The following ENTREP2 variants were observed in gnomAD, a reference collection of about 807,000 sequenced individuals.
ENTREP2 encodes endosomal transmembrane epsin interactor 2.
At chr15:29,178,307 AAAAG>A in the ENTREP2 span, among the ~76,000 whole-genome samples, 19 of 151,578 alleles carry the variant, frequency 1.3e-4, no homozygotes, top group South Asian at 4.2e-4. Context: ...AAAAAAAAAA[AAAAG>A]AAAGAAAGAA....
At chr15:29,530,284 G>A in the ENTREP2 span, among the ~76,000 whole-genome samples, 1 of 152,122 alleles carries the variant, frequency 6.6e-6, no homozygotes, top group Non-Finnish European at 1.5e-5. Flanking sequence ...GAATCTGTGC[G>A]GGTGCTGGGT....
At chr15:29,195,351 C>T in the ENTREP2 span, 1 of 984,296 alleles carries the variant, frequency 1.0e-6, no homozygotes. Context: ...TAATCACAAG[C>T]ACTCAAGGTC....
chr15:29,518,896 C>T, the ENTREP2 span, among the ~76,000 whole-genome samples: 1 of 152,114 alleles, frequency 6.6e-6, no homozygotes. Context: ...AGATCAAGGG[C>T]GTTTCAAGAG....
the ENTREP2 span, among the ~76,000 whole-genome samples, chr15:29,167,790 C>A: frequency 6.6e-6 from 1 of 152,134 alleles, no homozygotes; most frequent in East Asian, 1.9e-4. Context: ...GTAGAGCTAC[C>A]ATTTGATCCA....
chr15:29,594,186 T>C, the ENTREP2 span, among the ~76,000 whole-genome samples: 1 of 152,212 alleles, frequency 6.6e-6, no homozygotes, highest in African/African-American at 2.4e-5. Context: ...GCTGTATCTC[T>C]AGACTCATAT....
the ENTREP2 span, among the ~76,000 whole-genome samples, chr15:29,193,274 C>A: frequency 6.6e-6 from 1 of 152,188 alleles, no homozygotes; most frequent in Non-Finnish European, 1.5e-5. Context: ...AGTCTGTGAA[C>A]TGAGTGGGGA....
chr15:29,611,103 T>C, the ENTREP2 span: 1 of 152,262 alleles, frequency 6.6e-6, no homozygotes, highest in African/African-American at 2.4e-5. Context: ...ATACTTTGCC[T>C]ATAGAAACAT....
the ENTREP2 span, among the ~76,000 whole-genome samples, chr15:29,180,155 A>G: frequency 1.3e-5 from 2 of 152,142 alleles, no homozygotes; most frequent in African/African-American, 4.8e-5. Flanking sequence ...CCAGCAGACA[A>G]CTAGTTAGTA....
the ENTREP2 span, among the ~76,000 whole-genome samples, chr15:29,168,450 C>G: frequency 6.6e-6 from 1 of 152,290 alleles, no homozygotes; most frequent in South Asian, 2.1e-4. Flanking sequence ...TGTGTAAAAT[C>G]TGTAATTTAA....
the ENTREP2 span, among the ~76,000 whole-genome samples, chr15:29,607,430 G>A: frequency 6.6e-6 from 1 of 150,986 alleles, no homozygotes; most frequent in Non-Finnish European, 1.5e-5. Flanking sequence ...TTAAATCCAT[G>A]GATTCATAAT....
chr15:29,619,567 A>G, the ENTREP2 span, among the ~76,000 whole-genome samples: 1 of 152,080 alleles, frequency 6.6e-6, no homozygotes, highest in Admixed American at 6.5e-5. Flanking sequence ...CTACACGCTT[A>G]TCCAGTGCCT....
the ENTREP2 span, chr15:29,136,586 C>A: frequency 7.0e-7 from 1 of 1,425,030 alleles, no homozygotes; most frequent in Non-Finnish European, 9.3e-7. Flanking sequence ...AGAGCAGGGG[C>A]GGCCAGGGCT....
At chr15:29,564,508 T>A in the ENTREP2 span, among the ~76,000 whole-genome samples, 64 of 152,140 alleles carry the variant, frequency 4.2e-4, no homozygotes, top group African/African-American at 1.5e-3. Flanking sequence ...TACTGTACGT[T>A]TCTAAGATTC....
chr15:29,664,439 T>A, the ENTREP2 span, among the ~76,000 whole-genome samples: 3 of 149,586 alleles, frequency 2.0e-5, no homozygotes, highest in Non-Finnish European at 3.0e-5. Context: ...TCTTTATTTT[T>A]CTCTCTCTCT....
chr15:29,376,359 G>A, the ENTREP2 span: 5 of 151,916 alleles, frequency 3.3e-5, no homozygotes, highest in African/African-American at 1.2e-4. Context: ...TATATAATCT[G>A]ATTTCTAATT....
the ENTREP2 span, chr15:29,675,125 A>C: frequency 6.6e-6 from 1 of 152,562 alleles, no homozygotes; most frequent in Non-Finnish European, 1.5e-5. Context: ...GATCTCCAGC[A>C]CGCCGCCCCA....
At chr15:29,276,759 T>C in the ENTREP2 span, among the ~76,000 whole-genome samples, 1 of 152,228 alleles carries the variant, frequency 6.6e-6, no homozygotes, top group African/African-American at 2.4e-5. Flanking sequence ...TTGCTTAATC[T>C]GCTTTGAGTT....
chr15:29,133,202 T>A, the ENTREP2 span, among the ~76,000 whole-genome samples: 1 of 150,386 alleles, frequency 6.6e-6, no homozygotes, highest in South Asian at 2.1e-4. Context: ...CCTGGTAACC[T>A]CCTCAAGGTC....
chr15:29,224,168 G>T, the ENTREP2 span, among the ~76,000 whole-genome samples: 1 of 152,130 alleles, frequency 6.6e-6, no homozygotes, highest in African/African-American at 2.4e-5. Context: ...CAGCAGTGAA[G>T]CTACAGACCT....
Sources: gnomAD v4.1 joint callset for allele counts (sites outside exome capture counted in the v4.1 genomes callset) on GRCh38, gnomAD v4.1.1 for gene constraint, MANE v1.5 for transcripts, NCBI Gene and HGNC (gene_info 2026-07-23, HGNC 2026-07-21) for gene names.